Variants in FAM13A observed in about 807,000 individuals in gnomAD.
The protein encoded by FAM13A is family with sequence similarity 13 member A.
In FAM13A, 76 loss-of-function variants were observed where a neutral mutation model predicts 129.6. The observed-to-expected ratio is 0.59, with a 90% CI of 0.49 to 0.71. The LOEUF (loss-of-function observed/expected upper bound fraction) is 0.71, where lower values mean the gene tolerates loss of function less well. Among genes scored for constraint, FAM13A ranks in the 30% least tolerant of loss-of-function variants. The pLI, the probability that FAM13A is intolerant of heterozygous loss-of-function variation, is 0.00. For synonymous variants in FAM13A, 443 were observed against 449.9 expected (o/e 0.98, Z 0.20); for missense variants, 1,108 against 1,249.3 (o/e 0.89, Z 1.70).
At chr4:88,827,152 T>TAG (rs771791320) in intron 7 of FAM13A, among the ~76,000 whole-genome samples, 28 of 152,340 alleles carry the variant, frequency 1.8e-4, no homozygotes, top group Admixed American at 3.9e-4. Context: ...TGCCTTTTCT[T>TAG]AGATCCTCTC....
intron 7 of FAM13A, among the ~76,000 whole-genome samples, chr4:88,811,502 C>T (rs1729661195): frequency 6.6e-6 from 1 of 151,088 alleles, no homozygotes; most frequent in Non-Finnish European, 1.5e-5. Context: ...CTAGTGCCAG[C>T]TCTGAATGCC....
intron 4 of FAM13A, among the ~76,000 whole-genome samples, chr4:88,973,826 T>C (rs1465986585): frequency 6.6e-6 from 1 of 152,156 alleles, no homozygotes; most frequent in Non-Finnish European, 1.5e-5. Context: ...ATTAGGTCTG[T>C]CTTTTAGTGA....
chr4:88,731,201 G>C, intron 23 of FAM13A, 126 bp downstream of exon 23: 1 of 601,664 alleles, frequency 1.7e-6, no homozygotes, highest in South Asian at 2.1e-5. Flanking sequence ...CAAGGACCAG[G>C]TTACAGGGAG....
chr4:88,769,143 TA>T (rs1281522135), intron 11 of FAM13A, among the ~76,000 whole-genome samples: 1 of 152,214 alleles, frequency 6.6e-6, no homozygotes, highest in Admixed American at 6.5e-5. Context: ...CCCATTATAA[TA>T]AAACCCTTTA....
At chr4:88,953,403 C>T (rs1757257323) in intron 4 of FAM13A, among the ~76,000 whole-genome samples, 3 of 152,172 alleles carry the variant, frequency 2.0e-5, no homozygotes, top group Admixed American at 2.0e-4. Context: ...TGCAGTGAGC[C>T]GAGATTGCAC....
At chr4:88,802,780 C>T (rs1319512914) in intron 8 of FAM13A, among the ~76,000 whole-genome samples, 1 of 152,148 alleles carries the variant, frequency 6.6e-6, no homozygotes, top group Non-Finnish European at 1.5e-5. Context: ...CATCCTCTAT[C>T]CCAGACACAG....
intron 6 of FAM13A, among the ~76,000 whole-genome samples, chr4:88,893,348 GGT>G: frequency 6.6e-6 from 1 of 152,322 alleles, no homozygotes; most frequent in Non-Finnish European, 1.5e-5. Flanking sequence ...GTTCAGGCTG[GGT>G]GCAGTGGCTC....
chr4:88,960,571 A>C (rs567650235), intron 4 of FAM13A, among the ~76,000 whole-genome samples: 1 of 152,304 alleles, frequency 6.6e-6, no homozygotes, highest in Admixed American at 6.5e-5. Context: ...CAACAACAAA[A>C]CCTCATTTGA....
chr4:89,049,259 A>G (rs572710665), intron 1 of FAM13A, among the ~76,000 whole-genome samples: 37 of 152,076 alleles, frequency 2.4e-4, no homozygotes, highest in African/African-American at 8.7e-4. Flanking sequence ...CAGGACCCTA[A>G]CTCAAAAAAA....
At chr4:88,945,062 CTGAT>C (rs1434340891) in intron 4 of FAM13A, among the ~76,000 whole-genome samples, 1 of 152,138 alleles carries the variant, frequency 6.6e-6, no homozygotes, top group Non-Finnish European at 1.5e-5. Flanking sequence ...TAGTCTTACC[CTGAT>C]TATCTTTGGT....
At chr4:89,030,649 T>C (rs1768563494) in intron 1 of FAM13A, among the ~76,000 whole-genome samples, 1 of 152,208 alleles carries the variant, frequency 6.6e-6, no homozygotes, top group African/African-American at 2.4e-5. Context: ...CAATCTAGAG[T>C]TGAGGAAGCA....
chr4:88,851,224 A>C (rs763687318), intron 6 of FAM13A, 41 bp from the exon 7 acceptor site: 2 of 1,482,400 alleles, frequency 1.3e-6, no homozygotes, highest in Non-Finnish European at 1.8e-6. Context: ...GAGCTAGATA[A>C]ATGTTAAAGT....
intron 7 of FAM13A, among the ~76,000 whole-genome samples, chr4:88,813,008 G>T (rs1248853315): frequency 6.6e-6 from 1 of 152,054 alleles, no homozygotes; most frequent in East Asian, 1.9e-4. Context: ...TGTGCCATGG[G>T]TTTTCTCCCA....
chr4:89,013,453 T>C (rs1766012272), intron 3 of FAM13A, among the ~76,000 whole-genome samples: 1 of 151,946 alleles, frequency 6.6e-6, no homozygotes, highest in African/African-American at 2.4e-5. Context: ...CATACATTAT[T>C]CCCTCTATTT....
At chr4:88,762,138 C>CG (rs1420151166) in intron 13 of FAM13A, among the ~76,000 whole-genome samples, 1 of 152,042 alleles carries the variant, frequency 6.6e-6, no homozygotes, top group Non-Finnish European at 1.5e-5. Flanking sequence ...AGAAAGAAGA[C>CG]AAGTGAAAGG....
rs369954461 is a variant in FAM13A, at chr4:88,777,257, C to T, written c.1458+3908G>A. The stretch of plus-strand genomic sequence containing the variant: ...TAGAATTTCCAAAGATACTTTTCAC[C>T]TTAGAGGTTAGTTTTAGAATTTAGG... On this transcript the variant is annotated intron_variant, in intron 11 of 23. Transcript: ENST00000264344. 3.3e-5 allele frequency among the ~76,000 whole-genome samples: 5 copies of T among 151,872 alleles called. No individual in the cohort carries two copies. In the East Asian group the frequency reaches 5.8e-4, roughly 18 times the overall value.
chr4:88,802,504 T>C (rs1727689976), intron 8 of FAM13A, among the ~76,000 whole-genome samples: 1 of 152,160 alleles, frequency 6.6e-6, no homozygotes, highest in Non-Finnish European at 1.5e-5. Flanking sequence ...TGTGTGTCTA[T>C]TTATAACAGC....
intron 4 of FAM13A, among the ~76,000 whole-genome samples, chr4:88,956,042 A>T (rs1459732381): frequency 6.6e-6 from 1 of 152,206 alleles, no homozygotes; most frequent in Non-Finnish European, 1.5e-5. Flanking sequence ...TTAATTTATT[A>T]TGGGAGAAAG....
At chr4:88,905,153 G>T (rs575583438) in intron 6 of FAM13A, among the ~76,000 whole-genome samples, 1 of 152,176 alleles carries the variant, frequency 6.6e-6, no homozygotes, top group Admixed American at 6.5e-5. Flanking sequence ...ATGTATGTGT[G>T]TATATATGTA....
Sources: gnomAD v4.1 joint callset for allele counts (sites outside exome capture counted in the v4.1 genomes callset) on GRCh38, gnomAD v4.1.1 for gene constraint, MANE v1.5 for transcripts, NCBI Gene and HGNC (gene_info 2026-07-23, HGNC 2026-07-21) for gene names.